Variants in GABRB3 observed in about 807,000 individuals in gnomAD.
The protein encoded by GABRB3 is gamma-aminobutyric acid type A receptor subunit beta3.
In GABRB3, 14 loss-of-function variants were observed where a neutral mutation model predicts 52.1. The ratio of observed to expected loss-of-function variants is 0.27; its 90% CI spans 0.18 to 0.42. The LOEUF is 0.42. Among genes scored for constraint, GABRB3 ranks in the 10% least tolerant of loss-of-function variants. The pLI is 1.00. For synonymous variants in GABRB3, 260 were observed against 232.3 expected, an observed-to-expected ratio of 1.12 and a Z score of -1.08; for missense variants, 307 against 609.1, an observed-to-expected ratio of 0.50 and a Z score of 5.22.
At chr15:26,674,663 G>A (rs1333441318) in intron 3 of GABRB3, among the ~76,000 whole-genome samples, 2 of 152,132 alleles carry the variant, frequency 1.3e-5, no homozygotes, top group East Asian at 3.9e-4. Context: ...CATGAGAAGG[G>A]GCAGGCAGGG....
chr15:26,628,823 A>T (rs934978077), intron 3 of GABRB3, among the ~76,000 whole-genome samples: 1 of 152,200 alleles, frequency 6.6e-6, no homozygotes, highest in African/African-American at 2.4e-5. Flanking sequence ...GGAGCCCTAG[A>T]GAGACGAAAG....
chr15:26,772,351 C>G (rs1442597431), intron 3 of GABRB3, 51 bp downstream of exon 3: 5 of 1,516,946 alleles, frequency 3.3e-6, no homozygotes, highest in Admixed American at 3.7e-5. Flanking sequence ...CCTGTGATCC[C>G]AGACAGCGGG....
chr15:26,772,503 G>C (rs752273392), intron 2 of GABRB3, 34 bp from the exon 3 acceptor site: 1 of 1,602,060 alleles, frequency 6.2e-7, no homozygotes, highest in Non-Finnish European at 8.5e-7. Context: ...GATCAGCCCA[G>C]CTCCGGCGCG....
chr15:26,705,539 G>T, intron 3 of GABRB3, among the ~76,000 whole-genome samples: 1 of 152,264 alleles, frequency 6.6e-6, no homozygotes, highest in African/African-American at 2.4e-5. Context: ...CAATAAAACA[G>T]GATGAAGTGT....
At position 26,621,759 on chromosome 15, in the gene GABRB3, T is replaced by C. The variant is rs570964090; in HGVS notation, c.241-225A>G. Reference sequence around the variant, plus strand: ...GTGTGTGTCACGTATAGATGTCCTCTGTTTTACTTAGGTTAAGAAGCAGAC... The same window carrying C: ...GTGTGTGTCACGTATAGATGTCCTCCGTTTTACTTAGGTTAAGAAGCAGAC... On this transcript the variant is annotated intron_variant, in intron 3 of 8. Coordinates refer to ENST00000311550, the MANE Select transcript of GABRB3 (RefSeq NM_000814.6). This position sits in a 1 kb window ranked among gnomAD's most constrained non-coding sequence, Gnocchi z 4.1. Among the ~76,000 whole-genome samples the C allele has an allele frequency of 2.0e-5, 3 of 152,300 alleles. No homozygotes were observed. Among genetic ancestry groups the C allele is most frequent in the South Asian group, 2.1e-4 (1 of 4,826 alleles).
At chr15:26,761,869 C>CT (rs1422434438) in intron 3 of GABRB3, among the ~76,000 whole-genome samples, 5 of 152,304 alleles carry the variant, frequency 3.3e-5, no homozygotes, top group African/African-American at 1.2e-4. Flanking sequence ...GGGTTTCTCT[C>CT]TGTCGCCCAG....
Position 26,548,064 on chromosome 15 carries a change from C to A in GABRB3, c.1151G>T (p.Gly384Val), listed in dbSNP as rs2140645774. ...VHNEMNEVSG[G>V]IGDTRNSAIS... ...TGCTGAATTCCTGGTATCGCCAATG[C>A]CGCCTGAGACCTCATTCATTTCATT... Residue 384 changes from glycine to valine, a missense_variant, in exon 9 of 9, where the codon GGC becomes GTC. Gly to Val is a moderately radical substitution (Grantham distance 109). This residue lies in a region of GABRB3 where 115 missense variants were observed against 166.9 expected (regional missense o/e 0.69). Transcript: ENST00000311550. 6.2e-7 allele frequency: 1 copy of A among 1,614,138 alleles called. No homozygotes were observed. Among genetic ancestry groups the A allele is most frequent in the South Asian group, 1.1e-5 (1 of 91,080 alleles).
At position 26,615,242 on chromosome 15, in the gene GABRB3, CTT is replaced by C; in HGVS notation, c.461+6070_461+6071del. On this transcript the variant is annotated intron_variant, in intron 4 of 8. Coordinates refer to ENST00000311550, the MANE Select transcript of GABRB3 (RefSeq NM_000814.6). Reference sequence around the variant, plus strand: ...GGACAGGACAAAGGACCATTAGTCTCTTAGTCAGCCAAGATCTTCCTAGTTCC... The same window carrying C: ...GGACAGGACAAAGGACCATTAGTCTCAGTCAGCCAAGATCTTCCTAGTTCC... The C allele has an allele frequency of 3.1e-6, 3 of 975,954 alleles. No homozygotes were observed. The African/African-American group carries it at 5.2e-5, about 17-fold the overall frequency. 60.5% of individuals were successfully genotyped at this position (975,954 alleles called of 1,614,324 possible).
intron 5 of GABRB3, 123 bp from the exon 6 acceptor site, chr15:26,580,579 G>C (rs951211014): frequency 1.6e-6 from 2 of 1,214,518 alleles, no homozygotes; most frequent in Non-Finnish European, 2.4e-6. Context: ...TGCTTAATGT[G>C]CTTGTCTAGG....
In GABRB3 at chr15:26,547,609, C is replaced by G; in HGVS notation, c.*184G>C. On this transcript the variant is annotated 3_prime_UTR_variant, in exon 9 of 9. Transcript: ENST00000311550. ...CTGTGTGTATAAACATATACACATACATCCTCATATACACGTGTATTTTAT... is the reference window on the plus strand; with the variant it reads ...CTGTGTGTATAAACATATACACATAGATCCTCATATACACGTGTATTTTAT... The G allele has an allele frequency of 1.6e-6, 1 of 619,342 alleles. No homozygotes were observed. The highest frequency in any genetic ancestry group is 2.9e-6 in the Non-Finnish European group (1 of 349,198). 38.4% of individuals were successfully genotyped at this position (619,342 alleles called of 1,614,324 possible).
At chr15:26,676,580 T>C (rs565071325) in intron 3 of GABRB3, among the ~76,000 whole-genome samples, 21 of 152,312 alleles carry the variant, frequency 1.4e-4, no homozygotes, top group African/African-American at 4.8e-4. Flanking sequence ...GGCTCTTAAG[T>C]TCAAGCTACT....
At chr15:26,731,774 C>T (rs115933674) in intron 3 of GABRB3, among the ~76,000 whole-genome samples, 181 of 152,234 alleles carry the variant, frequency 1.2e-3, no homozygotes, top group African/African-American at 2.1e-3. Flanking sequence ...GTTGTGAACA[C>T]GAAAAAGCAG....
chr15:26,602,769 T>C (rs1052136429), intron 4 of GABRB3, among the ~76,000 whole-genome samples: 2 of 151,940 alleles, frequency 1.3e-5, no homozygotes, highest in Admixed American at 6.6e-5. Flanking sequence ...AAGCAGTAAG[T>C]ACTAAAAGGG....
intron 6 of GABRB3, 91 bp from the exon 7 acceptor site, chr15:26,567,824 T>C (rs1296102004): frequency 3.9e-6 from 5 of 1,285,722 alleles, no homozygotes; most frequent in Middle Eastern, 1.8e-4. Context: ...CAACAGGCAA[T>C]GGAAAAGTCT....
chr15:26,673,461 T>G (rs1348874635), intron 3 of GABRB3, among the ~76,000 whole-genome samples: 1 of 152,222 alleles, frequency 6.6e-6, no homozygotes, highest in Admixed American at 6.5e-5. Context: ...GCTGTACCTG[T>G]TCACCTAAAA....
chr15:26,600,290 A>G, intron 4 of GABRB3, among the ~76,000 whole-genome samples: 1 of 152,160 alleles, frequency 6.6e-6, no homozygotes, highest in African/African-American at 2.4e-5. Flanking sequence ...GGATTTGCAG[A>G]AGTAGAAGAG....
intron 3 of GABRB3, among the ~76,000 whole-genome samples, chr15:26,661,606 GA>G (rs1344737283): frequency 6.6e-6 from 1 of 152,168 alleles, no homozygotes. Context: ...AGCGTGCAGG[GA>G]AAGGCTTACA....
chr15:26,676,163 T>C (rs754419871), intron 3 of GABRB3, among the ~76,000 whole-genome samples: 8 of 152,218 alleles, frequency 5.3e-5, no homozygotes, highest in Non-Finnish European at 8.8e-5. Flanking sequence ...AGTTCCTGAG[T>C]TGTTAAGCAA....
chr15:26,554,037 T>TATAGATATATATATATATATATATATA (rs59100810), intron 8 of GABRB3, among the ~76,000 whole-genome samples: 1 of 58,476 alleles, frequency 1.7e-5, no homozygotes, highest in Non-Finnish European at 3.2e-5. Context: ...ATATATATAT[T>TATAGATATATATATATATATATATATA]TATTTATTTA....
Sources: allele counts gnomAD v4.1 joint callset (sites outside exome capture counted in the v4.1 genomes callset), GRCh38; gene constraint gnomAD v4.1.1; regional missense constraint gnomAD v4.1.1; non-coding constraint Gnocchi (gnomAD v3.1); transcripts MANE v1.5; gene names NCBI Gene and HGNC (gene_info 2026-07-23, HGNC 2026-07-21).